Variants in CKAP5 observed in about 807,000 individuals in gnomAD.
The protein encoded by CKAP5 is cytoskeleton associated protein 5, also known as cytoskeleton-associated protein 5.
CKAP5 carries 27 observed loss-of-function variants against 232.8 expected under a neutral mutation model. The observed-to-expected ratio is 0.12, with a 90% CI of 0.09 to 0.16. The LOEUF (loss-of-function observed/expected upper bound fraction) is 0.16, where lower values mean the gene tolerates loss of function less well. Among genes scored for constraint, CKAP5 ranks in the 10% least tolerant of loss-of-function variants. The pLI, the probability that CKAP5 is intolerant of heterozygous loss-of-function variation, is 1.00. For missense variants in CKAP5, 1,838 were observed against 2,424.7 expected (o/e 0.76, Z 5.08); for synonymous variants, 785 against 841.1 (o/e 0.93, Z 1.16).
Position 46,778,563 on chromosome 11 carries a change from T to G in CKAP5, c.2470A>C (p.Ile824Leu). The G allele has an allele frequency of 6.2e-7, 1 of 1,614,038 alleles. No individual in the cohort carries two copies. Among genetic ancestry groups the G allele is most frequent in the Non-Finnish European group, 8.5e-7 (1 of 1,179,954 alleles). Residue 824 changes from isoleucine to leucine, a missense_variant, in exon 21 of 44, where the codon ATT becomes CTT. This residue lies in a region of CKAP5 where 767 missense variants were observed against 954.6 expected (regional missense o/e 0.80). Transcript: ENST00000529230. ...GQSPPAPTRGISKHSTSGTDE... is the reference protein window; with the variant it reads ...GQSPPAPTRGLSKHSTSGTDE... ...GTACCACTTGTGCTATGCTTGGAAA[T>G]TCCTCTGGTTGGAGCAGGTGGACTT...
chr11:46,819,585 G>A (rs1384130729), intron 2 of CKAP5, among the ~76,000 whole-genome samples: 2 of 152,036 alleles, frequency 1.3e-5, no homozygotes, highest in East Asian at 1.9e-4. Flanking sequence ...GAGACAGAAG[G>A]ATCAACATAT....
intron 18 of CKAP5, among the ~76,000 whole-genome samples, chr11:46,780,863 A>G (rs1365602361): frequency 1.3e-5 from 2 of 152,156 alleles, no homozygotes; most frequent in African/African-American, 2.4e-5. Flanking sequence ...ACCTCAAGTG[A>G]TCTGCCTGCC....
chr11:46,810,962 C>T, intron 5 of CKAP5, 45 bp downstream of exon 5: 1 of 1,466,526 alleles, frequency 6.8e-7, no homozygotes, highest in South Asian at 1.3e-5. Context: ...AAAATATTTT[C>T]ATATTAACCT....
chr11:46,770,413 C>T, intron 25 of CKAP5: 1 of 350,746 alleles, frequency 2.9e-6, no homozygotes, highest in Non-Finnish European at 5.1e-6. Context: ...TGGTTTTTTC[C>T]TCATATAAAT....
At position 46,797,472 on chromosome 11, in the gene CKAP5, A is replaced by G. The variant is rs143732785; in HGVS notation, c.1338+333T>C. ...CAAATAAGTATTTCCTTTTCCTCTT[A>G]CCCTCTATCTAAAATAACTCACTCC... On this transcript the variant is annotated intron_variant, in intron 11 of 43. Coordinates refer to ENST00000529230, the MANE Select transcript of CKAP5 (RefSeq NM_001008938.4). Among the ~76,000 whole-genome samples, 712 of 152,170 alleles carry G rather than the reference A, an allele frequency of 4.7e-3. 1 individual carries two copies. The highest frequency in any genetic ancestry group is 7.5e-3 in the Admixed American group (114 of 15,272).
In CKAP5 at chr11:46,751,364, G is replaced by C. The variant is rs753078108; in HGVS notation, c.5304C>G (p.Cys1768Trp). The change falls in exon 39 of 44, where the codon TGC becomes TGG. Residue 1768 changes from cysteine (C) to tryptophan (W), a missense_variant. By Grantham distance (215) the Cys-to-Trp change is radical (BLOSUM62 -2). Transcript: ENST00000529230. Reference sequence around the variant, plus strand: ...TACTCACCTTGGGCCCTTTTAATTTGCATAAGGTGTGTAGCAGGGTCTTTA... The same window carrying C: ...TACTCACCTTGGGCCCTTTTAATTTCCATAAGGTGTGTAGCAGGGTCTTTA... ...RTLKTLLHTLCKLKGPKILDH... is the reference protein window; with the variant it reads ...RTLKTLLHTLWKLKGPKILDH... The C allele has an allele frequency of 5.0e-6, 8 of 1,613,728 alleles. No homozygotes were observed. The Admixed American group carries it at 1.2e-4, about 24-fold the overall frequency.
chr11:46,780,696 C>T (rs1368205700), intron 18 of CKAP5, among the ~76,000 whole-genome samples: 2 of 152,196 alleles, frequency 1.3e-5, no homozygotes, highest in African/African-American at 4.8e-5. Context: ...CTCACTGCAA[C>T]CTCTGCCTCT....
chr11:46,748,512 C>T (rs770320662), intron 42 of CKAP5, among the ~76,000 whole-genome samples: 64 of 152,204 alleles, frequency 4.2e-4, no homozygotes, highest in Non-Finnish European at 2.5e-4. Context: ...TGGTGGCTCA[C>T]GCCTGTAATC....
At chr11:46,769,708 C>A (rs1020309302) in intron 26 of CKAP5, among the ~76,000 whole-genome samples, 87 of 150,320 alleles carry the variant, frequency 5.8e-4, no homozygotes, top group African/African-American at 1.8e-3. Flanking sequence ...AAAAAAAAAA[C>A]AAAACAAAAA....
At chr11:46,783,930 T>A (rs1163573792) in intron 17 of CKAP5, among the ~76,000 whole-genome samples, 3 of 151,576 alleles carry the variant, frequency 2.0e-5, no homozygotes, top group Non-Finnish European at 4.4e-5. Flanking sequence ...GCTCTCAAAC[T>A]CCTGGCCTCA....
In CKAP5 at chr11:46,759,105, G is replaced by A. The variant is rs1418819012; in HGVS notation, c.4569-62C>T. ...TTACAAGACATCCCAGTCAGTTGGA[G>A]TTATACAATTCTCCACTAGGTCCAG... On this transcript the variant is annotated intron_variant, in intron 34 of 43. Coordinates refer to ENST00000529230, the MANE Select transcript of CKAP5 (RefSeq NM_001008938.4). The A allele has an allele frequency of 5.7e-6, 9 of 1,584,468 alleles. No homozygotes were observed. In the African/African-American group the frequency reaches 9.5e-5, roughly 17 times the overall value.
In CKAP5 at chr11:46,802,531, AAGAC is replaced by A. The variant is rs1179976752; in HGVS notation, c.979-1231_979-1228del. ...TGCACTCCAGCCTGGGTACCAGAGC[AAGAC>A]AGACAGACAGACAGACAGACAGACA... On this transcript the variant is annotated intron_variant, in intron 8 of 43. Coordinates refer to ENST00000529230, the MANE Select transcript of CKAP5 (RefSeq NM_001008938.4). Among the ~76,000 whole-genome samples, 49 of 146,332 alleles carry A rather than the reference AAGAC, an allele frequency of 3.3e-4. No individual in the cohort carries two copies. In the East Asian group the frequency reaches 3.4e-3, roughly 10 times the overall value.
intron 1 of CKAP5, among the ~76,000 whole-genome samples, chr11:46,830,035 A>G (rs1415492257): frequency 6.6e-6 from 1 of 151,992 alleles, no homozygotes; most frequent in Non-Finnish European, 1.5e-5. Flanking sequence ...AGATGGGGGG[A>G]TTACCCTGGA....
chr11:46,772,269 T>A (rs1277905306), intron 24 of CKAP5, among the ~76,000 whole-genome samples: 1 of 152,096 alleles, frequency 6.6e-6, no homozygotes, highest in Non-Finnish European at 1.5e-5. Context: ...GTTTTATTAT[T>A]TTCATGTGGT....
In CKAP5 at chr11:46,759,256, G is replaced by T; in HGVS notation, c.4568+13C>A. 6.2e-7 allele frequency: 1 copy of T among 1,607,756 alleles called. No individual in the cohort carries two copies. The highest frequency in any genetic ancestry group is 8.5e-7 in the Non-Finnish European group (1 of 1,177,072). ...ATGAACTGCTCATATTTAAATGAAA[G>T]AGTTTAACTCACTTGGGTTCAGGAA... On this transcript the variant is annotated intron_variant, in intron 34 of 43. Transcript: ENST00000529230.
At position 46,830,138 on chromosome 11, in the gene CKAP5, A is replaced by C. The variant is rs570268032; in HGVS notation, c.-37-8870T>G. ...GGAGAAAGTGATATGAAGAGGGATC[A>C]GAGAAAGATTAGAATAGAGTAGGCC... On this transcript the variant is annotated intron_variant, in intron 1 of 43. Transcript: ENST00000529230. Among the ~76,000 whole-genome samples, 3 of 152,144 alleles carry C rather than the reference A, an allele frequency of 2.0e-5. No homozygotes were observed. The South Asian group carries it at 6.2e-4, about 32-fold the overall frequency.
intron 4 of CKAP5, among the ~76,000 whole-genome samples, chr11:46,811,740 G>A (rs2134674891): frequency 6.6e-6 from 1 of 152,226 alleles, no homozygotes; most frequent in African/African-American, 2.4e-5. Flanking sequence ...GCCTCCTAAA[G>A]TGCTGGATTA....
At chr11:46,746,924 C>T (rs2065026914) in intron 42 of CKAP5, among the ~76,000 whole-genome samples, 1 of 152,056 alleles carries the variant, frequency 6.6e-6, no homozygotes, top group Admixed American at 6.6e-5. Context: ...ACCAGGAAGA[C>T]CAGGAGTTCA....
Position 46,818,346 on chromosome 11 carries a change from G to A in CKAP5, c.215C>T (p.Ala72Val), listed in dbSNP as rs1186577727. The A allele has an allele frequency of 6.3e-7, 1 of 1,599,862 alleles. No individual in the cohort carries two copies. Among genetic ancestry groups the A allele is most frequent in the Non-Finnish European group, 8.5e-7 (1 of 1,175,910 alleles). The change falls in exon 3 of 44, where the codon GCA (alanine) becomes GTA (valine). Residue 72 changes from alanine to valine, a missense_variant. Physicochemically the swap from Ala to Val is moderately conservative, Grantham distance 64 (BLOSUM62 0). This residue lies in a region of CKAP5 where 285 missense variants were observed against 300.0 expected (regional missense o/e 0.95). Transcript: ENST00000529230. The stretch of plus-strand genomic sequence containing the variant: ...ATGGGCATTTTCAACATAAACAAGT[G>A]CAGCTTCTAATCCTTTCAATTGAAC... ...AVVQLKGLEA[A>V]LVYVENAHVA...
Sources: gnomAD v4.1 joint callset for allele counts (sites outside exome capture counted in the v4.1 genomes callset) on GRCh38, gnomAD v4.1.1 for gene constraint, gnomAD v4.1.1 regional missense constraint, MANE v1.5 for transcripts, NCBI Gene and HGNC (gene_info 2026-07-23, HGNC 2026-07-21) for gene names.